Variants in CLIP4 observed in about 807,000 individuals in gnomAD.
CLIP4 encodes the protein CAP-Gly domain-containing linker protein 4.
CLIP4 carries 47 observed loss-of-function variants against 73.1 expected under a neutral mutation model. The ratio of observed to expected loss-of-function variants is 0.64; its 90% CI spans 0.51 to 0.82. The LOEUF (loss-of-function observed/expected upper bound fraction) is 0.82, where lower values mean the gene tolerates loss of function less well. CLIP4 is among the 40% of genes least tolerant of loss of function. The probability of loss-of-function intolerance (pLI) is 0.00; values close to 1 mark genes in which losing one functional copy is unlikely to be tolerated. For missense variants in CLIP4, 874 were observed against 852.9 expected (o/e 1.02, Z -0.31); for synonymous variants, 306 against 295.4 (o/e 1.04, Z -0.37).
At chr2:29,174,885 T>C (rs1198201242) in intron 15 of CLIP4, among the ~76,000 whole-genome samples, 1 of 151,940 alleles carries the variant, frequency 6.6e-6, no homozygotes, top group Non-Finnish European at 1.5e-5. Context: ...AAAAAAGCCT[T>C]TTTTTTTGTT....
chr2:29,152,340 C>T (rs1182712875), intron 8 of CLIP4, among the ~76,000 whole-genome samples: 2 of 152,056 alleles, frequency 1.3e-5, no homozygotes, highest in African/African-American at 4.8e-5. Flanking sequence ...TTATGGCAAA[C>T]AGTCTTCAAA....
intron 14 of CLIP4, chr2:29,167,742 T>A: frequency 2.4e-6 from 1 of 414,362 alleles, no homozygotes; most frequent in Admixed American, 4.4e-5. Flanking sequence ...GAGTACCCCA[T>A]CCCATCTCAT....
chr2:29,159,803 C>T (rs113563722), intron 11 of CLIP4, among the ~76,000 whole-genome samples: 4 of 150,586 alleles, frequency 2.7e-5, no homozygotes, highest in African/African-American at 9.8e-5. Flanking sequence ...AATTGTCAAA[C>T]TATGGCCCAT....
rs148946531 is a variant in CLIP4 at position 29,124,361 on chromosome 2, C to T, written c.133+2840C>T. On this transcript the variant is annotated intron_variant, in intron 2 of 15. Coordinates refer to ENST00000320081, the MANE Select transcript of CLIP4 (RefSeq NM_024692.6). The stretch of plus-strand genomic sequence containing the variant: ...TGTTTCTGCTGTCATTTTTGTTTCT[C>T]TAGATGTAATGTCTTTTTTTTGGCT... Among the ~76,000 whole-genome samples the T allele has an allele frequency of 1.8e-3, 277 of 152,204 alleles. 8 individuals carry two copies. The highest frequency in any genetic ancestry group is 0.014 in the Admixed American group (217 of 15,274).
chr2:29,151,421 G>C (rs1162669110), intron 8 of CLIP4, among the ~76,000 whole-genome samples: 1 of 152,134 alleles, frequency 6.6e-6, no homozygotes, highest in Non-Finnish European at 1.5e-5. Flanking sequence ...TTGAGAGAGA[G>C]AGAGAGTGTG....
intron 8 of CLIP4, among the ~76,000 whole-genome samples, chr2:29,148,457 G>C (rs546708326): frequency 3.9e-5 from 6 of 151,956 alleles, no homozygotes; most frequent in African/African-American, 1.5e-4. Context: ...TTTAATACTT[G>C]GTGGTATTAC....
chr2:29,160,544 T>G, intron 12 of CLIP4, 77 bp downstream of exon 12: 1 of 1,507,638 alleles, frequency 6.6e-7, no homozygotes, highest in South Asian at 1.2e-5. Flanking sequence ...TAAATAGAAT[T>G]TAATTGTAGA....
chr2:29,143,665 C>T, intron 6 of CLIP4, 44 bp from the exon 7 acceptor site: 1 of 1,268,982 alleles, frequency 7.9e-7, no homozygotes, highest in Non-Finnish European at 1.1e-6. Context: ...CTTTCTAGTG[C>T]TCTAAGTAAG....
chr2:29,104,580 C>A (rs1668146729), intron 1 of CLIP4, among the ~76,000 whole-genome samples: 1 of 152,236 alleles, frequency 6.6e-6, no homozygotes, highest in African/African-American at 2.4e-5. Context: ...AGCCACCACG[C>A]CCAGCCTCTG....
chr2:29,162,932 TGA>T (rs1667383993), intron 12 of CLIP4, among the ~76,000 whole-genome samples: 1 of 152,184 alleles, frequency 6.6e-6, no homozygotes, highest in Non-Finnish European at 1.5e-5. Flanking sequence ...ATAAGTTTCT[TGA>T]TATCTATCTC....
chr2:29,140,919 G>T (rs985538427), intron 6 of CLIP4, among the ~76,000 whole-genome samples: 1 of 152,054 alleles, frequency 6.6e-6, no homozygotes, highest in Non-Finnish European at 1.5e-5. Flanking sequence ...GTTCCCTTAG[G>T]TGCAATGTTA....
intron 15 of CLIP4, among the ~76,000 whole-genome samples, chr2:29,178,211 G>A (rs1413123437): frequency 6.8e-6 from 1 of 147,294 alleles, no homozygotes; most frequent in South Asian, 2.1e-4. Context: ...ACAGAGTTTC[G>A]CTCTTGTTGC....
intron 15 of CLIP4, among the ~76,000 whole-genome samples, chr2:29,178,097 C>G (rs1480663298): frequency 6.6e-6 from 1 of 151,956 alleles, no homozygotes. Context: ...AAAAGGTCAT[C>G]TGTAATTTTG....
At chr2:29,154,601 C>G (rs997848274) in intron 9 of CLIP4, among the ~76,000 whole-genome samples, 2 of 152,090 alleles carry the variant, frequency 1.3e-5, no homozygotes, top group Non-Finnish European at 2.9e-5. Context: ...CTCAGAATAC[C>G]GGGAAGGGAT....
Position 29,133,748 on chromosome 2 carries a change from T to C in CLIP4, c.461T>C (p.Leu154Ser). The change falls in exon 5 of 16, where the codon TTG (leucine) becomes TCG (serine). Residue 154 changes from leucine (L) to serine (S), a missense_variant. By Grantham distance (145) the Leu-to-Ser change is moderately radical (BLOSUM62 -2). Transcript: ENST00000320081. ...AGTCGCTGGACAAACATGAATGCTT[T>C]GCATTATGCTGCTTATTTTGATGTC... ...LRSRWTNMNA[L>S]HYAAYFDVPE... is the part of the protein sequence containing the mutation. 1 of 1,613,638 alleles carries C rather than the reference T, an allele frequency of 6.2e-7. No homozygotes were observed. The highest frequency in any genetic ancestry group is 8.5e-7 in the Non-Finnish European group (1 of 1,179,842).
chr2:29,132,900 A>G (rs1665078338), intron 4 of CLIP4, among the ~76,000 whole-genome samples: 1 of 152,246 alleles, frequency 6.6e-6, no homozygotes, highest in Non-Finnish European at 1.5e-5. Flanking sequence ...CAAATGGCAT[A>G]AAACTGGCCA....
intron 1 of CLIP4, among the ~76,000 whole-genome samples, chr2:29,098,877 TG>T (rs550601451): frequency 7.9e-4 from 120 of 152,348 alleles, no homozygotes; most frequent in Non-Finnish European, 1.5e-3. Context: ...CATTTGGTGG[TG>T]TTGCTGTTTA....
At chr2:29,157,935 C>T (rs1667034773) in intron 11 of CLIP4, among the ~76,000 whole-genome samples, 1 of 152,188 alleles carries the variant, frequency 6.6e-6, no homozygotes. Flanking sequence ...TGGCAAAATA[C>T]GTTCTTCATG....
At chr2:29,098,246 A>C (rs1220994882) in intron 1 of CLIP4, among the ~76,000 whole-genome samples, 1 of 152,252 alleles carries the variant, frequency 6.6e-6, no homozygotes, top group Non-Finnish European at 1.5e-5. Flanking sequence ...ATAATGCTAC[A>C]TTATTATGAA....
Sources: gnomAD v4.1 joint callset for allele counts (sites outside exome capture counted in the v4.1 genomes callset) on GRCh38, gnomAD v4.1.1 for gene constraint, MANE v1.5 for transcripts, NCBI Gene and HGNC (gene_info 2026-07-23, HGNC 2026-07-21) for gene names.